Variants in ATP6V1H observed in about 807,000 individuals in gnomAD.
ATP6V1H encodes ATPase H+ transporting V1 subunit H.
ATP6V1H carries 39 observed loss-of-function variants against 71.7 expected under a neutral mutation model. The ratio of observed to expected loss-of-function variants is 0.54; its 90% CI spans 0.42 to 0.71. The LOEUF (loss-of-function observed/expected upper bound fraction) is 0.71, where lower values mean the gene tolerates loss of function less well. ATP6V1H is among the 30% of genes least tolerant of loss of function. The pLI is 0.00. For synonymous variants in ATP6V1H, 192 were observed against 199.3 expected (o/e 0.96, Z 0.31); for missense variants, 509 against 594.9 (o/e 0.86, Z 1.50).
chr8:53,795,832 C>A lies in ATP6V1H; in HGVS notation c.685G>T (p.Gly229Ter). 1 of 1,584,686 alleles carries A rather than the reference C, an allele frequency of 6.3e-7. No individual in the cohort carries two copies. Reference sequence around the variant, plus strand: ...AAGCCACACTTGTTACTCAACACTCCCATTATGCTGAAAAACAAACAAACA... The same window carrying A: ...AAGCCACACTTGTTACTCAACACTCACATTATGCTGAAAAACAAACAAACA... ...VEADGVNCIM[G>*]VLSNKCGFQL... Residue 229 changes from glycine (G) to a stop codon, truncating the protein, a stop_gained, in exon 9 of 14, where the codon GGA (glycine) becomes TGA (stop). Transcript: ENST00000359530. LOFTEE classifies it high-confidence loss of function.
chr8:53,802,244 T>C (rs1026554755), intron 7 of ATP6V1H, among the ~76,000 whole-genome samples: 1 of 152,210 alleles, frequency 6.6e-6, no homozygotes, highest in African/African-American at 2.4e-5. Flanking sequence ...TAGAGAATAC[T>C]GTTCCACATA....
chr8:53,728,311 C>T (rs1806889112), intron 13 of ATP6V1H, among the ~76,000 whole-genome samples: 1 of 152,206 alleles, frequency 6.6e-6, no homozygotes, highest in South Asian at 2.1e-4. Context: ...GGCTACTGAG[C>T]CCCAGGAAGG....
chr8:53,776,133 T>C (rs1331695422), intron 9 of ATP6V1H, among the ~76,000 whole-genome samples: 2 of 152,180 alleles, frequency 1.3e-5, no homozygotes, highest in Non-Finnish European at 2.9e-5. Flanking sequence ...CCGCAGCAGC[T>C]GGCCCGGGTG....
At chr8:53,747,669 AGCTGGGATTACAGGT>A (rs1243878786) in intron 12 of ATP6V1H, among the ~76,000 whole-genome samples, 1 of 151,840 alleles carries the variant, frequency 6.6e-6, no homozygotes, top group African/African-American at 2.4e-5. Flanking sequence ...CCTCCCGAGT[AGCTGGGATTACAGGT>A]GCATGCCACC....
At chr8:53,765,521 C>CA (rs1175934434) in intron 11 of ATP6V1H, among the ~76,000 whole-genome samples, 12 of 111,972 alleles carry the variant, frequency 1.1e-4, no homozygotes, top group African/African-American at 3.4e-4. Flanking sequence ...GCATTAGCAC[C>CA]AAAAAAAAAG....
intron 7 of ATP6V1H, among the ~76,000 whole-genome samples, chr8:53,808,977 G>T (rs968522228): frequency 1.1e-4 from 17 of 152,194 alleles, no homozygotes; most frequent in African/African-American, 3.9e-4. Flanking sequence ...TTACCAAACT[G>T]CTTTTCTCCA....
At chr8:53,798,729 A>G (rs1809822391) in intron 8 of ATP6V1H, among the ~76,000 whole-genome samples, 1 of 152,194 alleles carries the variant, frequency 6.6e-6, no homozygotes, top group Non-Finnish European at 1.5e-5. Flanking sequence ...AAATTGCTAT[A>G]CTTTCAGCAA....
intron 11 of ATP6V1H, among the ~76,000 whole-genome samples, chr8:53,761,584 T>A (rs1292300737): frequency 6.6e-6 from 1 of 152,016 alleles, no homozygotes; most frequent in East Asian, 1.9e-4. Flanking sequence ...ACACTAGATT[T>A]AAAAAAAACC....
At position 53,831,445 on chromosome 8, in the gene ATP6V1H, C is replaced by A. The variant is rs565896856; in HGVS notation, c.216+1539G>T. 5.0e-4 allele frequency among the ~76,000 whole-genome samples: 76 copies of A among 152,294 alleles called. No individual in the cohort carries two copies. The South Asian group carries it at 0.015, about 30-fold the overall frequency. On this transcript the variant is annotated intron_variant, in intron 3 of 13. Transcript: ENST00000359530. The stretch of plus-strand genomic sequence containing the variant: ...CAAGACCGCTATTACATACACAGTC[C>A]AACACTTACCAAAACATCTTTATGT...
chr8:53,775,059 G>A (rs1048387802), intron 9 of ATP6V1H, among the ~76,000 whole-genome samples: 4 of 152,322 alleles, frequency 2.6e-5, no homozygotes, highest in East Asian at 1.9e-4. Context: ...CGGCGTGTCC[G>A]GAGTTTGTTC....
intron 12 of ATP6V1H, among the ~76,000 whole-genome samples, chr8:53,747,373 C>T (rs900449146): frequency 6.6e-6 from 1 of 152,008 alleles, no homozygotes; most frequent in Non-Finnish European, 1.5e-5. Flanking sequence ...TGCCTATTTT[C>T]GTTTCCTTAA....
At chr8:53,775,349 T>C (rs1808833180) in intron 9 of ATP6V1H, among the ~76,000 whole-genome samples, 1 of 152,202 alleles carries the variant, frequency 6.6e-6, no homozygotes, top group East Asian at 1.9e-4. Context: ...TCCCACAGTG[T>C]GGAAGGGGAC....
intron 12 of ATP6V1H, among the ~76,000 whole-genome samples, chr8:53,747,087 T>G (rs1364852534): frequency 6.6e-6 from 1 of 152,224 alleles, no homozygotes; most frequent in African/African-American, 2.4e-5. Flanking sequence ...CATACAGAAC[T>G]ATTTTTGTTT....
At chr8:53,796,553 G>A (rs1809747800) in intron 8 of ATP6V1H, among the ~76,000 whole-genome samples, 2 of 151,260 alleles carry the variant, frequency 1.3e-5, no homozygotes, top group Non-Finnish European at 2.9e-5. Context: ...ACCATTAAAA[G>A]TGACCTTCAT....
At chr8:53,745,361 G>A (rs1261694504) in intron 12 of ATP6V1H, among the ~76,000 whole-genome samples, 1 of 152,034 alleles carries the variant, frequency 6.6e-6, no homozygotes, top group African/African-American at 2.4e-5. Context: ...TTGCACCACT[G>A]CACTCCAGCT....
chr8:53,769,641 A>G lies in ATP6V1H; in HGVS notation c.1152T>C (p.Asn384=), dbSNP rs1808586568. 1.2e-6 allele frequency: 2 copies of G among 1,613,070 alleles called. No individual in the cohort carries two copies. The highest frequency in any genetic ancestry group is 1.7e-6 in the Non-Finnish European group (2 of 1,179,374). ...KFWRENAVRL[N]EKNYELLKIL... ...ACTTCAAGAGTTCATAATTCTTCTC[A>G]TTTAACCTCACAGCATTCTCTCTCC... Residue 384 remains asparagine (N), a synonymous_variant, in exon 11 of 14, where the codon AAT becomes AAC. Coordinates refer to ENST00000359530, the MANE Select transcript of ATP6V1H (RefSeq NM_015941.4).
chr8:53,840,298 C>A (rs555976976), intron 2 of ATP6V1H, among the ~76,000 whole-genome samples: 1 of 152,070 alleles, frequency 6.6e-6, no homozygotes, highest in Non-Finnish European at 1.5e-5. Context: ...GAGTTCGAGA[C>A]CAGCCTGGCC....
chr8:53,818,801 G>A (rs949541211), intron 4 of ATP6V1H, among the ~76,000 whole-genome samples: 15 of 152,206 alleles, frequency 9.9e-5, no homozygotes, highest in Non-Finnish European at 5.9e-5. Context: ...AGGATGAAAT[G>A]ATAGGATTAA....
At chr8:53,767,996 G>T (rs1013609037) in intron 11 of ATP6V1H, among the ~76,000 whole-genome samples, 1 of 152,150 alleles carries the variant, frequency 6.6e-6, no homozygotes, top group Middle Eastern at 3.2e-3. Flanking sequence ...AAAGTGATAA[G>T]ATAACCCACA....
Sources: allele counts gnomAD v4.1 joint callset (sites outside exome capture counted in the v4.1 genomes callset), GRCh38; gene constraint gnomAD v4.1.1; transcripts MANE v1.5; gene names NCBI Gene and HGNC (gene_info 2026-07-23, HGNC 2026-07-21).